The following ATRNL1 variants were observed in gnomAD, a reference collection of about 807,000 sequenced individuals.
ATRNL1 encodes attractin-like protein 1.
In ATRNL1, 95 loss-of-function variants were observed where a neutral mutation model predicts 182.7. The observed-to-expected ratio is 0.52, with a 90% CI of 0.44 to 0.62. ATRNL1 has a LOEUF of 0.62. Among genes scored for constraint, ATRNL1 ranks in the 20% least tolerant of loss-of-function variants. The probability of loss-of-function intolerance (pLI) is 0.00; values close to 1 mark genes in which losing one functional copy is unlikely to be tolerated. For missense variants in ATRNL1, 1,471 were observed against 1,679.5 expected, an observed-to-expected ratio of 0.88 and a Z score of 2.17; for synonymous variants, 576 against 568.3, an observed-to-expected ratio of 1.01 and a Z score of -0.19.
At chr10:115,815,415 A>ATG (rs367551845) in intron 27 of ATRNL1, among the ~76,000 whole-genome samples, 7,252 of 142,756 alleles carry the variant, frequency 0.051, 240 homozygotes, top group South Asian at 0.12. Context: ...GTGTGTGTGT[A>ATG]TGTGTGTGTG....
chr10:115,201,538 T>G (rs1554892376), intron 8 of ATRNL1, among the ~76,000 whole-genome samples: 1 of 152,190 alleles, frequency 6.6e-6, no homozygotes, highest in Non-Finnish European at 1.5e-5. Context: ...ATCTGATAGT[T>G]GTAGATATGC....
chr10:115,555,224 T>G (rs1554996741), intron 26 of ATRNL1, among the ~76,000 whole-genome samples: 4 of 151,802 alleles, frequency 2.6e-5, no homozygotes, highest in African/African-American at 9.7e-5. Context: ...TTTTCTAAAG[T>G]TAGAATCTTG....
chr10:115,886,098 T>G (rs1441909688), intron 28 of ATRNL1, among the ~76,000 whole-genome samples: 1 of 152,140 alleles, frequency 6.6e-6, no homozygotes, highest in Non-Finnish European at 1.5e-5. Context: ...TAAATGATCA[T>G]ATAGTTGGTT....
intron 1 of ATRNL1, among the ~76,000 whole-genome samples, chr10:115,110,058 A>G (rs1218365882): frequency 6.6e-6 from 1 of 152,186 alleles, no homozygotes; most frequent in South Asian, 2.1e-4. Context: ...ATGAATTTTT[A>G]TAATGATGTT....
chr10:115,149,294 A>G (rs1229269477), intron 5 of ATRNL1, among the ~76,000 whole-genome samples: 2 of 152,156 alleles, frequency 1.3e-5, no homozygotes, highest in Admixed American at 1.3e-4. Context: ...AGCTTCCAGC[A>G]TTCCAGCTTG....
At chr10:115,430,926 T>A (rs1554963804) in intron 21 of ATRNL1, among the ~76,000 whole-genome samples, 1 of 152,054 alleles carries the variant, frequency 6.6e-6, no homozygotes, top group East Asian at 1.9e-4. Flanking sequence ...ATATCAATAG[T>A]ATTTAGGTTG....
rs981752396 is a variant in ATRNL1, at chr10:115,936,772, G to A, written c.4019-7886G>A. ...AGCATTTAAATTAAGAATGACTAGG[G>A]TTTCTAATAAGGATTGTCAAGTATC... On this transcript the variant is annotated intron_variant, in intron 28 of 28. Coordinates refer to ENST00000355044, the MANE Select transcript of ATRNL1 (RefSeq NM_207303.4). Among the ~76,000 whole-genome samples, 4 of 152,006 alleles carry A rather than the reference G, an allele frequency of 2.6e-5. No individual in the cohort carries two copies. The East Asian group carries it at 7.7e-4, about 29-fold the overall frequency.
At chr10:115,715,964 T>G (rs1420462296) in intron 26 of ATRNL1, among the ~76,000 whole-genome samples, 1 of 152,204 alleles carries the variant, frequency 6.6e-6, no homozygotes, top group African/African-American at 2.4e-5. Flanking sequence ...CCTTCTGATT[T>G]TTGTGGTTTA....
chr10:115,639,852 G>A (rs782517498), intron 26 of ATRNL1, among the ~76,000 whole-genome samples: 3 of 151,918 alleles, frequency 2.0e-5, no homozygotes, highest in African/African-American at 7.3e-5. Flanking sequence ...TGTGCAGAAC[G>A]TGCTGTTTGT....
intron 18 of ATRNL1, among the ~76,000 whole-genome samples, chr10:115,321,671 C>CTTTTTTT (rs528619167): frequency 7.9e-6 from 1 of 125,822 alleles, no homozygotes; most frequent in Non-Finnish European, 1.6e-5. Context: ...AAGGTGAAAG[C>CTTTTTTT]TTTTTTTTTT....
At chr10:115,151,731 G>A (rs1846241981) in intron 5 of ATRNL1, among the ~76,000 whole-genome samples, 1 of 152,140 alleles carries the variant, frequency 6.6e-6, no homozygotes, top group South Asian at 2.1e-4. Flanking sequence ...GATCCCATTT[G>A]TCAATTTTGG....
intron 26 of ATRNL1, among the ~76,000 whole-genome samples, chr10:115,560,392 C>T (rs1853627537): frequency 6.6e-6 from 1 of 152,146 alleles, no homozygotes; most frequent in South Asian, 2.1e-4. Context: ...CAGTTACCTT[C>T]CACTGGGTCC....
intron 26 of ATRNL1, among the ~76,000 whole-genome samples, chr10:115,696,347 A>G (rs1381217315): frequency 6.6e-6 from 1 of 152,124 alleles, no homozygotes; most frequent in South Asian, 2.1e-4. Flanking sequence ...GCATGTGCCT[A>G]TAATCCCAGC....
intron 14 of ATRNL1, 151 bp downstream of exon 14, chr10:115,281,638 T>C: frequency 2.6e-6 from 2 of 761,790 alleles, no homozygotes; most frequent in Non-Finnish European, 4.0e-6. Flanking sequence ...ACACTGTTTC[T>C]ACAAGAAAAG....
At chr10:115,494,583 A>G (rs1257597987) in intron 24 of ATRNL1, among the ~76,000 whole-genome samples, 3 of 152,152 alleles carry the variant, frequency 2.0e-5, no homozygotes, top group East Asian at 1.9e-4. Flanking sequence ...CTTTTTCTTC[A>G]TATATTCAGA....
rs367582778 is a variant in ATRNL1 at position 115,717,596 on chromosome 10, G to T, written c.3796-9652G>T. Among the ~76,000 whole-genome samples, 5 of 128,206 alleles carry T rather than the reference G, an allele frequency of 3.9e-5. No individual in the cohort carries two copies. In the East Asian group the frequency reaches 1.0e-3, roughly 27 times the overall value. The allele number at this position is 128,206 out of a possible 152,430, so 84.1% of individuals were successfully genotyped here. Reference sequence around the variant, plus strand: ...AGATGGAGTCTCGCTCTGTCACCTGGGCTAGAGTGCAGTGGTGCAATCTCA... The same window carrying T: ...AGATGGAGTCTCGCTCTGTCACCTGTGCTAGAGTGCAGTGGTGCAATCTCA... On this transcript the variant is annotated intron_variant, in intron 26 of 28. Coordinates refer to ENST00000355044, the MANE Select transcript of ATRNL1 (RefSeq NM_207303.4).
rs963758344 is a variant in ATRNL1 at position 115,713,322 on chromosome 10, A to G, written c.3796-13926A>G. ...ATACTTTCTAGATGCTGAGATTAAC[A>G]TACATAAAAATCCAAGTACTATCAG... On this transcript the variant is annotated intron_variant, in intron 26 of 28. Transcript: ENST00000355044. 2.0e-5 allele frequency among the ~76,000 whole-genome samples: 3 copies of G among 152,172 alleles called. 1 individual carries two copies. Among genetic ancestry groups the G allele is most frequent in the Non-Finnish European group, 4.4e-5 (3 of 68,050 alleles).
intron 26 of ATRNL1, among the ~76,000 whole-genome samples, chr10:115,662,842 C>A (rs1303467524): frequency 6.6e-6 from 1 of 151,836 alleles, no homozygotes; most frequent in Non-Finnish European, 1.5e-5. Flanking sequence ...AATAATTTTG[C>A]CATTGATCTT....
At chr10:115,712,858 A>G (rs1947103499) in intron 26 of ATRNL1, among the ~76,000 whole-genome samples, 2 of 137,986 alleles carry the variant, frequency 1.4e-5, no homozygotes. Flanking sequence ...ACAGAGTAAG[A>G]CAATGTTTCA....
Sources: gnomAD v4.1 joint callset for allele counts (sites outside exome capture counted in the v4.1 genomes callset) on GRCh38, gnomAD v4.1.1 for gene constraint, MANE v1.5 for transcripts, NCBI Gene and HGNC (gene_info 2026-07-23, HGNC 2026-07-21) for gene names.